The following CLCN5 variants were observed in gnomAD, a reference collection of about 807,000 sequenced individuals.
The protein encoded by CLCN5 is Cl-/H+ antiporter 5, also known as H(+)/Cl(-) exchange transporter 5.
Under a neutral mutation model 54.0 loss-of-function variants are expected in CLCN5, and 17 were observed. The observed-to-expected ratio is 0.31, with a 90% CI of 0.22 to 0.47. The LOEUF (loss-of-function observed/expected upper bound fraction) is 0.47. Ranked by LOEUF, CLCN5 falls within the 20% of genes least tolerant of loss-of-function variation. The pLI, the probability that CLCN5 is intolerant of heterozygous loss-of-function variation, is 1.00. For missense variants in CLCN5, 448 were observed against 646.7 expected (o/e 0.69, Z 3.33); for synonymous variants, 222 against 233.0 (o/e 0.95, Z 0.43).
At chrX:49,995,875 G>T (rs1929498917) in intron 3 of CLCN5, among the ~76,000 whole-genome samples, 1 of 111,688 alleles carries the variant, frequency 9.0e-6, no homozygotes, top group African/African-American at 3.3e-5. Flanking sequence ...CATATTAGGA[G>T]CACCAGCACA....
rs192114407 is a variant in CLCN5 at position 50,012,787 on chromosome X, A to G, written c.17-29529A>G. ...GGGCTCATCCCTGACCTACTACACC[A>G]TAAACCATGGAAATCTGTACTTTAC... On this transcript the variant is annotated intron_variant, in intron 3 of 14. Coordinates refer to ENST00000376091, the MANE Select transcript of CLCN5 (RefSeq NM_001127898.4). 2.4e-4 allele frequency among the ~76,000 whole-genome samples: 27 copies of G among 112,004 alleles called. No homozygotes were observed. The East Asian group carries it at 7.3e-3, about 30-fold the overall frequency.
intron 3 of CLCN5, among the ~76,000 whole-genome samples, 182 bp downstream of exon 3, chrX:49,925,496 A>G (rs1925296602): frequency 8.9e-6 from 1 of 112,730 alleles, no homozygotes; most frequent in Non-Finnish European, 1.9e-5. Context: ...ATAAGTTTAA[A>G]TTATTTAAAA....
intron 3 of CLCN5, chrX:50,013,414 C>T (rs1930624220): frequency 3.8e-6 from 1 of 263,685 alleles, no homozygotes. Flanking sequence ...CTGGGAGTAC[C>T]CTGCTAAATA....
intron 3 of CLCN5, among the ~76,000 whole-genome samples, chrX:49,972,861 C>T (rs1928291972): frequency 9.0e-6 from 1 of 111,640 alleles, no homozygotes; most frequent in South Asian, 3.7e-4. Flanking sequence ...ATTCTTAAAC[C>T]CTCCCTTAAG....
chrX:49,946,074 AC>A (rs1383480370), intron 3 of CLCN5, among the ~76,000 whole-genome samples: 4 of 111,018 alleles, frequency 3.6e-5, no homozygotes, highest in Non-Finnish European at 7.6e-5. Context: ...TTAAACAAGA[AC>A]CCTTCTATGC....
chrX:49,961,063 G>A (rs958013337), intron 3 of CLCN5, among the ~76,000 whole-genome samples: 3 of 111,850 alleles, frequency 2.7e-5, no homozygotes, highest in African/African-American at 6.5e-5. Flanking sequence ...GAGGGAAGAC[G>A]TGTGTGTCCA....
At chrX:49,973,628 G>A (rs180716486) in intron 3 of CLCN5, among the ~76,000 whole-genome samples, 1 of 108,522 alleles carries the variant, frequency 9.2e-6, no homozygotes, top group African/African-American at 3.4e-5. Context: ...TAAGTATACA[G>A]ATGGTCCCTG....
At chrX:49,946,520 T>C (rs1278462805) in intron 3 of CLCN5, among the ~76,000 whole-genome samples, 1 of 112,296 alleles carries the variant, frequency 8.9e-6, no homozygotes, top group African/African-American at 3.2e-5. Context: ...GCAGTTCATA[T>C]AACAGCACCT....
chrX:49,981,317 G>A (rs1602009022), intron 3 of CLCN5, among the ~76,000 whole-genome samples: 1 of 111,628 alleles, frequency 9.0e-6, no homozygotes, highest in Non-Finnish European at 1.9e-5. Flanking sequence ...AGCTGAAGTT[G>A]CTTGAATCTT....
chrX:50,062,725 A>G (rs1477239971), intron 4 of CLCN5, among the ~76,000 whole-genome samples: 2 of 99,368 alleles, frequency 2.0e-5, no homozygotes, highest in Non-Finnish European at 3.8e-5. Flanking sequence ...GCACCACACC[A>G]CACCTATTCC....
intron 3 of CLCN5, among the ~76,000 whole-genome samples, chrX:49,938,775 C>A (rs1354153160): frequency 2.9e-5 from 3 of 105,050 alleles, no homozygotes; most frequent in Non-Finnish European, 3.9e-5. Context: ...GCAACAAAAG[C>A]CAAAATTGAC....
At chrX:50,089,617 A>G (rs1934014525) in intron 12 of CLCN5, among the ~76,000 whole-genome samples, 2 of 112,375 alleles carry the variant, frequency 1.8e-5, no homozygotes, top group African/African-American at 6.5e-5. Context: ...TGGACATGGT[A>G]GCTCACACCT....
chrX:50,011,071 T>C (rs188190068), intron 3 of CLCN5, among the ~76,000 whole-genome samples: 1 of 111,756 alleles, frequency 8.9e-6, no homozygotes, highest in African/African-American at 3.3e-5. Flanking sequence ...AGGGCCTGAC[T>C]TGGTTACATC....
rs1387834452 is a variant in CLCN5 at position 50,092,441 on chromosome X, GATATC to G, written c.*225_*229del. 2.5e-6 allele frequency: 1 copy of G among 396,438 alleles called. No homozygotes were observed. Among genetic ancestry groups the G allele is most frequent in the Non-Finnish European group, 4.4e-6 (1 of 227,249 alleles). The allele number at this position is 396,438 out of a possible 1,213,427, so 32.7% of individuals were successfully genotyped here. On this transcript the variant is annotated 3_prime_UTR_variant, in exon 15 of 15. Transcript: ENST00000376091. ...GGCTTCCATGATGTTACATTAGGAA[GATATC>G]ATGAAAGAATAAATAAGATTGCTAT...
Position 50,096,499 on chromosome X carries a change from A to G in CLCN5, c.*4280A>G, listed in dbSNP as rs1934265594. Reference sequence around the variant, plus strand: ...ATGCCCAGCTAACTTTTGTATTTTTAGTAGAGACGGGGTTTCACCATGTTG... The same window carrying G: ...ATGCCCAGCTAACTTTTGTATTTTTGGTAGAGACGGGGTTTCACCATGTTG... On this transcript the variant is annotated 3_prime_UTR_variant, in exon 15 of 15. Coordinates refer to ENST00000376091, the MANE Select transcript of CLCN5 (RefSeq NM_001127898.4). 1 of 111,092 alleles carries G rather than the reference A, an allele frequency of 9.0e-6. No individual in the cohort carries two copies. Among genetic ancestry groups the G allele is most frequent in the Non-Finnish European group, 1.9e-5 (1 of 52,843 alleles). 9.2% of individuals were successfully genotyped at this position (111,092 alleles called of 1,213,427 possible).
At chrX:50,066,448 T>C (rs1471012644) in intron 4 of CLCN5, among the ~76,000 whole-genome samples, 1 of 111,787 alleles carries the variant, frequency 8.9e-6, no homozygotes, top group Non-Finnish European at 1.9e-5. Context: ...GTATCGAACC[T>C]TAAGAATTGA....
At chrX:50,091,768 T>C (rs1461178748) in intron 14 of CLCN5, among the ~76,000 whole-genome samples, 3 of 112,462 alleles carry the variant, frequency 2.7e-5, no homozygotes, top group African/African-American at 9.7e-5. Flanking sequence ...ATGTGCATGC[T>C]GTTGCTGTGA....
intron 3 of CLCN5, among the ~76,000 whole-genome samples, chrX:49,965,741 GT>G (rs1404399118): frequency 9.0e-6 from 1 of 111,700 alleles, no homozygotes; most frequent in Non-Finnish European, 1.9e-5. Context: ...TTTGCTGAAG[GT>G]TTTTTTTGTA....
chrX:50,075,964 T>C lies in CLCN5; in HGVS notation c.585T>C (p.Leu195=). The C allele has an allele frequency of 8.3e-7, 1 of 1,209,843 alleles. No individual in the cohort carries two copies. Among genetic ancestry groups the C allele is most frequent in the Non-Finnish European group, 1.1e-6 (1 of 893,457 alleles). The change falls in exon 7 of 15, where the codon CTT becomes CTC. Residue 195 remains leucine (L), a synonymous_variant. Coordinates refer to ENST00000376091, the MANE Select transcript of CLCN5 (RefSeq NM_001127898.4). ...KCPEWNSWSQ[L]IISTDEGAFA... ...CAGAGTGGAATAGTTGGTCCCAGCT[T>C]ATCATCAGCACAGATGAGGTAACAT... is the stretch of plus-strand genomic sequence containing the variant.
Sources: gnomAD v4.1 joint callset for allele counts (sites outside exome capture counted in the v4.1 genomes callset) on GRCh38, gnomAD v4.1.1 for gene constraint, MANE v1.5 for transcripts, NCBI Gene and HGNC (gene_info 2026-07-23, HGNC 2026-07-21) for gene names.